Variants in BLVRA observed in about 807,000 individuals in gnomAD.
BLVRA encodes BVR A.
Under a neutral mutation model 32.8 loss-of-function variants are expected in BLVRA, and 22 were observed. The ratio of observed to expected loss-of-function variants is 0.67; its 90% CI spans 0.48 to 0.96. BLVRA has a LOEUF of 0.96. Among genes scored for constraint, BLVRA ranks in the 40% least tolerant of loss-of-function variants. The pLI, the probability that BLVRA is intolerant of heterozygous loss-of-function variation, is 0.00. For synonymous variants in BLVRA, 119 were observed against 141.3 expected (o/e 0.84, Z 1.12); for missense variants, 323 against 358.1 (o/e 0.90, Z 0.79).
chr7:43,771,320 G>A, intron 2 of BLVRA, 150 bp downstream of exon 2: 1 of 942,138 alleles, frequency 1.1e-6, no homozygotes. Flanking sequence ...GTGGTTCTGG[G>A]TGATGCAGGA....
intron 2 of BLVRA, among the ~76,000 whole-genome samples, chr7:43,771,973 C>T (rs1259832587): frequency 6.6e-6 from 1 of 152,220 alleles, no homozygotes; most frequent in Non-Finnish European, 1.5e-5. Context: ...AAAATGTAAA[C>T]ATTCCATCTG....
At chr7:43,769,733 G>A (rs955462950) in intron 1 of BLVRA, among the ~76,000 whole-genome samples, 8 of 151,804 alleles carry the variant, frequency 5.3e-5, no homozygotes, top group African/African-American at 1.5e-4. Flanking sequence ...TCAGCCTCCC[G>A]AGTAGGTGGG....
chr7:43,804,289 A>G lies in BLVRA; in HGVS notation c.632+442A>G, dbSNP rs11983551. The stretch of plus-strand genomic sequence containing the variant: ...AAACCCTGTCTCTACTAAAAATGCA[A>G]AAATTAGCCGGTGTGGCGGTGCATG... On this transcript the variant is annotated intron_variant, in intron 7 of 7. Coordinates refer to ENST00000265523, the MANE Select transcript of BLVRA (RefSeq NM_000712.4). Among the ~76,000 whole-genome samples the G allele has an allele frequency of 7.5e-3, 1,137 of 152,288 alleles. 12 individuals are homozygous for G. The highest frequency in any genetic ancestry group is 0.026 in the African/African-American group (1,078 of 41,550).
At chr7:43,803,652 C>T (rs746311162) in intron 6 of BLVRA, 24 bp from the exon 7 acceptor site, 2 of 1,613,050 alleles carry the variant, frequency 1.2e-6, no homozygotes, top group East Asian at 2.2e-5. Flanking sequence ...TCCCAGTTCC[C>T]ACAGCATTTG....
chr7:43,788,793 C>T lies in BLVRA; in HGVS notation c.134+768C>T, dbSNP rs569250704. On this transcript the variant is annotated intron_variant, in intron 3 of 7. Coordinates refer to ENST00000265523, the MANE Select transcript of BLVRA (RefSeq NM_000712.4). ...GGGACTACAGACACACACACCACCA[C>T]GCCTGGATAATTTTTTTTTTTTTTT... Among the ~76,000 whole-genome samples, 18 of 151,050 alleles carry T rather than the reference C, an allele frequency of 1.2e-4. No individual in the cohort carries two copies. The South Asian group carries it at 1.9e-3, about 16-fold the overall frequency.
At chr7:43,782,981 G>A (rs988337665) in intron 2 of BLVRA, among the ~76,000 whole-genome samples, 3 of 151,962 alleles carry the variant, frequency 2.0e-5, no homozygotes, top group African/African-American at 7.3e-5. Context: ...TGGGGTCATT[G>A]GACAGGGCAG....
At chr7:43,767,779 T>C (rs940045109) in intron 1 of BLVRA, among the ~76,000 whole-genome samples, 33 of 152,264 alleles carry the variant, frequency 2.2e-4, no homozygotes, top group African/African-American at 7.9e-4. Context: ...GTTTTAACTA[T>C]ATGAATCTCA....
At chr7:43,770,308 A>C (rs1396680918) in intron 1 of BLVRA, among the ~76,000 whole-genome samples, 2 of 152,170 alleles carry the variant, frequency 1.3e-5, no homozygotes, top group Non-Finnish European at 2.9e-5. Flanking sequence ...AGTGGCTCTA[A>C]CAAGTGAGAG....
rs191139193 is a variant in BLVRA, at chr7:43,787,619, A to T, written c.13-285A>T. 7.2e-4 allele frequency among the ~76,000 whole-genome samples: 110 copies of T among 152,288 alleles called. No homozygotes were observed. Among genetic ancestry groups the T allele is most frequent in the Non-Finnish European group, 1.3e-3 (89 of 68,006 alleles). Reference sequence around the variant, plus strand: ...CCCTCATTATTGGAGATGGGGCAGTAGAAGTGGAGAGCCAAATTGGGGGAA... The same window carrying T: ...CCCTCATTATTGGAGATGGGGCAGTTGAAGTGGAGAGCCAAATTGGGGGAA... On this transcript the variant is annotated intron_variant, in intron 2 of 7. Coordinates refer to ENST00000265523, the MANE Select transcript of BLVRA (RefSeq NM_000712.4). The surrounding 1 kb of genome is among the most constrained non-coding windows in gnomAD (Gnocchi z 4.5).
chr7:43,776,629 G>T (rs1364829574), intron 2 of BLVRA, among the ~76,000 whole-genome samples: 1 of 152,206 alleles, frequency 6.6e-6, no homozygotes, highest in African/African-American at 2.4e-5. Context: ...TTGATTTGGG[G>T]TGGAGAGTTC....
At position 43,787,416 on chromosome 7, in the gene BLVRA, C is replaced by G. The variant is rs2095779097; in HGVS notation, c.13-488C>G. 6.6e-6 allele frequency among the ~76,000 whole-genome samples: 1 copy of G among 152,180 alleles called. No homozygotes were observed. Among genetic ancestry groups the G allele is most frequent in the Non-Finnish European group, 1.5e-5 (1 of 68,034 alleles). On this transcript the variant is annotated intron_variant, in intron 2 of 7. Transcript: ENST00000265523. The surrounding 1 kb of genome is among the most constrained non-coding windows in gnomAD (Gnocchi z 4.5). ...AGAGTCAAAGCCTCTGGATCCCACGCTGAGTAAGGTGACCAATCATGGTTT... is the reference window on the plus strand; with the variant it reads ...AGAGTCAAAGCCTCTGGATCCCACGGTGAGTAAGGTGACCAATCATGGTTT...
chr7:43,789,797 T>C (rs1336063785), intron 3 of BLVRA, among the ~76,000 whole-genome samples: 1 of 152,108 alleles, frequency 6.6e-6, no homozygotes, highest in Non-Finnish European at 1.5e-5. Context: ...TTCTGGTGTA[T>C]TCCTTTCCCA....
Position 43,787,822 on chromosome 7 carries a change from C to T in BLVRA, c.13-82C>T, listed in dbSNP as rs2095779673. The T allele has an allele frequency of 1.2e-6, 2 of 1,609,208 alleles. No individual in the cohort carries two copies. The highest frequency in any genetic ancestry group is 8.5e-7 in the Non-Finnish European group (1 of 1,175,704). ...CTGGCTTCCATCTTGCTCGTCGGGA[C>T]CCTGCCAGCTCCTTTGTTTTGTAGT... On this transcript the variant is annotated intron_variant, in intron 2 of 7. Coordinates refer to ENST00000265523, the MANE Select transcript of BLVRA (RefSeq NM_000712.4). This position sits in a 1 kb window ranked among gnomAD's most constrained non-coding sequence, Gnocchi z 4.5.
intron 6 of BLVRA, among the ~76,000 whole-genome samples, chr7:43,802,943 T>C (rs1250386498): frequency 6.6e-6 from 1 of 152,092 alleles, no homozygotes; most frequent in Non-Finnish European, 1.5e-5. Context: ...GGTTTTGCCA[T>C]GTTGGCCAGG....
intron 7 of BLVRA, 75 bp downstream of exon 7, chr7:43,803,922 A>G: frequency 6.4e-7 from 1 of 1,567,986 alleles, no homozygotes. Context: ...ATCCAAAGGG[A>G]GCCCCGAGGG....
upstream of BLVRA, among the ~76,000 whole-genome samples, chr7:43,758,385 G>T (rs17239396): frequency 1.2e-4 from 19 of 152,176 alleles, no homozygotes; most frequent in Non-Finnish European, 2.4e-4. Context: ...ACACCGTGAG[G>T]GGGCCCAGCC....
intron 2 of BLVRA, among the ~76,000 whole-genome samples, chr7:43,772,636 C>A (rs1230063292): frequency 1.3e-5 from 2 of 152,240 alleles, no homozygotes; most frequent in Admixed American, 6.5e-5. Context: ...CACAGTTCAG[C>A]ATGGCTGGGG....
intron 5 of BLVRA, 89 bp from the exon 6 acceptor site, chr7:43,800,376 T>G (rs1261607306): frequency 7.9e-7 from 1 of 1,270,664 alleles, no homozygotes; most frequent in African/African-American, 1.5e-5. Flanking sequence ...GCTTCATGTC[T>G]TGTGTTAGGG....
chr7:43,782,830 T>C (rs2095771649), intron 2 of BLVRA, among the ~76,000 whole-genome samples: 1 of 152,172 alleles, frequency 6.6e-6, no homozygotes, highest in African/African-American at 2.4e-5. Flanking sequence ...CACTCATGTC[T>C]GAAGTCCAGG....
Sources: gnomAD v4.1 joint callset for allele counts (sites outside exome capture counted in the v4.1 genomes callset) on GRCh38, gnomAD v4.1.1 for gene constraint, Gnocchi (gnomAD v3.1) non-coding constraint, MANE v1.5 for transcripts, NCBI Gene and HGNC (gene_info 2026-07-23, HGNC 2026-07-21) for gene names.